The following THSD4 variants were observed in gnomAD, a reference collection of about 807,000 sequenced individuals.
THSD4 encodes thrombospondin type-1 domain-containing protein 4.
THSD4 carries 69 observed loss-of-function variants against 119.0 expected under a neutral mutation model. The observed-to-expected ratio is 0.58, with a 90% CI of 0.48 to 0.71. The LOEUF is 0.71. Ranked by LOEUF, THSD4 falls within the 30% of genes least tolerant of loss-of-function variation. The pLI, the probability that THSD4 is intolerant of heterozygous loss-of-function variation, is 0.00. For missense variants in THSD4, 1,393 were observed against 1,391.1 expected, an observed-to-expected ratio of 1.00 and a Z score of -0.02; for synonymous variants, 524 against 540.4, an observed-to-expected ratio of 0.97 and a Z score of 0.42.
chr15:71,332,892 A>ATTTGTTTTTTTTTTTTTTT (rs2045442010), intron 6 of THSD4, among the ~76,000 whole-genome samples: 1 of 76,940 alleles, frequency 1.3e-5, no homozygotes, highest in East Asian at 5.3e-4. Flanking sequence ...ATTTTTTTAC[A>ATTTGTTTTTTTTTTTTTTT]TTTTTTTTTT....
chr15:71,360,520 C>G (rs1264348943), intron 6 of THSD4, among the ~76,000 whole-genome samples: 1 of 152,190 alleles, frequency 6.6e-6, no homozygotes, highest in Non-Finnish European at 1.5e-5. Flanking sequence ...AAAAAAATCC[C>G]TCTTAGCCAT....
intron 4 of THSD4, among the ~76,000 whole-genome samples, chr15:71,229,447 G>T (rs1433332720): frequency 1.3e-5 from 2 of 152,128 alleles, no homozygotes; most frequent in African/African-American, 4.8e-5. Context: ...TGTAGTATTT[G>T]TGTATAACAT....
intron 7 of THSD4, among the ~76,000 whole-genome samples, chr15:71,445,178 G>T (rs2047163968): frequency 6.6e-6 from 1 of 152,138 alleles, no homozygotes; most frequent in Admixed American, 6.5e-5. Flanking sequence ...CTTCTATAGT[G>T]CTGTTACTCT....
At chr15:71,406,276 A>G (rs1478361813) in intron 6 of THSD4, among the ~76,000 whole-genome samples, 1 of 152,126 alleles carries the variant, frequency 6.6e-6, no homozygotes, top group Non-Finnish European at 1.5e-5. Context: ...TTATAGCCTA[A>G]CATTTATTCC....
intron 7 of THSD4, among the ~76,000 whole-genome samples, chr15:71,503,286 A>T (rs948056228): frequency 1.3e-5 from 2 of 152,198 alleles, no homozygotes; most frequent in African/African-American, 4.8e-5. Context: ...GATGCATGGA[A>T]AAATGCTGGG....
At chr15:71,212,337 G>T (rs192112570) in intron 3 of THSD4, among the ~76,000 whole-genome samples, 1 of 152,348 alleles carries the variant, frequency 6.6e-6, no homozygotes, top group East Asian at 1.9e-4. Context: ...GAATTATTAT[G>T]AATAGAATAG....
At chr15:71,374,414 C>T (rs2046103340) in intron 6 of THSD4, among the ~76,000 whole-genome samples, 2 of 152,152 alleles carry the variant, frequency 1.3e-5, no homozygotes, top group South Asian at 4.2e-4. Context: ...CTTCTTATCC[C>T]ATCTAAAGTG....
At chr15:71,695,501 C>CGTGTGTGT (rs370049077) in intron 8 of THSD4, among the ~76,000 whole-genome samples, 14 of 115,396 alleles carry the variant, frequency 1.2e-4, no homozygotes, top group African/African-American at 4.0e-4. Flanking sequence ...TGTGTGTGTG[C>CGTGTGTGT]ATGTGTGTGT....
intron 3 of THSD4, among the ~76,000 whole-genome samples, chr15:71,197,331 C>T (rs1414810192): frequency 6.6e-6 from 1 of 152,188 alleles, no homozygotes; most frequent in Non-Finnish European, 1.5e-5. Context: ...TGCAGGGAAG[C>T]CTGCCTTCCT....
At chr15:71,609,715 G>C (rs2050183783) in intron 7 of THSD4, among the ~76,000 whole-genome samples, 1 of 152,066 alleles carries the variant, frequency 6.6e-6, no homozygotes, top group South Asian at 2.1e-4. Flanking sequence ...AGCCGGGCAT[G>C]GTGGCAGGCG....
rs147002696 is a variant in THSD4, at chr15:71,660,835, G to A, written c.1357+101G>A. ...CACAGCAGTGTCCGAGAGTCCCGGG[G>A]CATGCAGGCAGTGCCCCTGGGGAAT... On this transcript the variant is annotated intron_variant, in intron 8 of 17. Transcript: ENST00000261862. 4,590 of 1,354,490 alleles carry A rather than the reference G, an allele frequency of 3.4e-3. 96 individuals carry two copies. In the African/African-American group the frequency reaches 0.049, roughly 14 times the overall value. 83.9% of individuals were successfully genotyped at this position (1,354,490 alleles called of 1,614,324 possible). A position where few individuals can be genotyped will look rare whatever the true frequency, so the allele number is the denominator to read the frequency against.
intron 2 of THSD4, among the ~76,000 whole-genome samples, chr15:71,143,175 T>C (rs986573638): frequency 6.6e-6 from 1 of 152,234 alleles, no homozygotes; most frequent in African/African-American, 2.4e-5. Context: ...TTCTGAAGGC[T>C]GTATGATATT....
intron 6 of THSD4, among the ~76,000 whole-genome samples, chr15:71,374,469 TA>T (rs2046104185): frequency 1.3e-5 from 2 of 152,196 alleles, no homozygotes; most frequent in South Asian, 4.2e-4. Flanking sequence ...TTGGATGCAA[TA>T]AGAAGGGGAT....
Position 71,746,936 on chromosome 15 carries a change from T to TGACGGTGCAGCCC in THSD4, c.2136_2148dup (p.Tyr717AspfsTer14). 6.2e-7 allele frequency: 1 copy of TGACGGTGCAGCCC among 1,613,878 alleles called. No homozygotes were observed. Among genetic ancestry groups the TGACGGTGCAGCCC allele is most frequent in the Non-Finnish European group, 8.5e-7 (1 of 1,180,026 alleles). The stretch of plus-strand genomic sequence containing the variant: ...CGCCAGGTGTACGCCAACCGCAGCC[T>TGACGGTGCAGCCC]GACGGTGCAGCCCTACCGCTGCCAG... On this transcript the variant is annotated frameshift_variant, in exon 13 of 18. Transcript: ENST00000261862. LOFTEE classifies it high-confidence loss of function.
At chr15:71,591,146 A>G (rs549264482) in intron 7 of THSD4, among the ~76,000 whole-genome samples, 32 of 152,164 alleles carry the variant, frequency 2.1e-4, no homozygotes, top group Non-Finnish European at 4.0e-4. Context: ...AAGCACTTCT[A>G]TAGACTTCCT....
intron 15 of THSD4, among the ~76,000 whole-genome samples, chr15:71,760,975 G>A (rs2053618655): frequency 2.0e-5 from 3 of 152,086 alleles, no homozygotes; most frequent in South Asian, 4.2e-4. Context: ...TATTTTTAAG[G>A]TATGTCTTTC....
At chr15:71,316,626 T>C (rs928550384) in intron 6 of THSD4, among the ~76,000 whole-genome samples, 4 of 152,184 alleles carry the variant, frequency 2.6e-5, no homozygotes, top group African/African-American at 7.2e-5. Flanking sequence ...CTTTCAGGCC[T>C]GGCTTAGTGG....
chr15:71,688,975 G>A (rs931004857), intron 8 of THSD4, among the ~76,000 whole-genome samples: 5 of 151,864 alleles, frequency 3.3e-5, no homozygotes, highest in Admixed American at 6.6e-5. Flanking sequence ...TCTCCATCCC[G>A]GCCCATGAGA....
In THSD4 at chr15:71,737,918, T is replaced by A. The variant is rs944068161; in HGVS notation, c.1817T>A (p.Val606Glu). 6 of 1,614,108 alleles carry A rather than the reference T, an allele frequency of 3.7e-6. No individual in the cohort carries two copies. In the African/African-American group the frequency reaches 8.0e-5, roughly 22 times the overall value. ...TCTCCCCATCGACCGGACAACTTGGTGCCACCAGCACCGCAGCCCCCACGG... is the reference window on the plus strand; with the variant it reads ...TCTCCCCATCGACCGGACAACTTGGAGCCACCAGCACCGCAGCCCCCACGG... ...RFSPHRPDNLVPPAPQPPRRS... is the reference protein window; with the variant it reads ...RFSPHRPDNLEPPAPQPPRRS... Residue 606 changes from valine to glutamate, a missense_variant, in exon 11 of 18, where the codon GTG becomes GAG. Val to Glu is a moderately radical substitution (Grantham distance 121, BLOSUM62 -2). Transcript: ENST00000261862.
Sources: gnomAD v4.1 joint callset for allele counts (sites outside exome capture counted in the v4.1 genomes callset) on GRCh38, gnomAD v4.1.1 for gene constraint, MANE v1.5 for transcripts, NCBI Gene and HGNC (gene_info 2026-07-23, HGNC 2026-07-21) for gene names.